The following MTHFD2L variants were observed in gnomAD, a reference collection of about 807,000 sequenced individuals.
The protein encoded by MTHFD2L is bifunctional methylenetetrahydrofolate dehydrogenase/cyclohydrolase 2, mitochondrial.
A neutral mutation model predicts 34.9 loss-of-function variants in MTHFD2L; 29 were observed. That is an observed-to-expected ratio of 0.83 (90% CI 0.62 to 1.13). The LOEUF is 1.13. Ranked by LOEUF, MTHFD2L falls within the 50% of genes most tolerant of loss-of-function variation. The pLI is 0.00. For synonymous variants in MTHFD2L, 167 were observed against 155.7 expected (o/e 1.07, Z -0.54); for missense variants, 481 against 446.5 (o/e 1.08, Z -0.70).
intron 6 of MTHFD2L, among the ~76,000 whole-genome samples, chr4:74,255,742 CAT>C (rs775411972): frequency 6.6e-6 from 1 of 152,110 alleles, no homozygotes; most frequent in South Asian, 2.1e-4. Flanking sequence ...TAAATAAGAA[CAT>C]GTGGTATTTG....
At chr4:74,249,344 C>T (rs925277133) in intron 6 of MTHFD2L, among the ~76,000 whole-genome samples, 2 of 152,160 alleles carry the variant, frequency 1.3e-5, no homozygotes, top group East Asian at 1.9e-4. Flanking sequence ...GAAGATCTTC[C>T]TCCATCCTTT....
At chr4:74,145,755 G>A (rs939280947) in intron 1 of MTHFD2L, among the ~76,000 whole-genome samples, 5 of 152,066 alleles carry the variant, frequency 3.3e-5, no homozygotes, top group Admixed American at 6.6e-5. Flanking sequence ...CTCATGAATG[G>A]ATTAGCACCA....
intron 6 of MTHFD2L, among the ~76,000 whole-genome samples, chr4:74,254,726 A>T (rs1041282990): frequency 2.0e-5 from 3 of 152,190 alleles, no homozygotes; most frequent in Non-Finnish European, 4.4e-5. Flanking sequence ...AGGTAAGAAT[A>T]TAGTCAAGTT....
At chr4:74,162,505 CTTTTT>C (rs3051352) in intron 1 of MTHFD2L, among the ~76,000 whole-genome samples, 2 of 124,266 alleles carry the variant, frequency 1.6e-5, no homozygotes, top group Non-Finnish European at 3.5e-5. Context: ...TCTCTCCCCA[CTTTTT>C]TTTTTTTTTT....
chr4:74,172,060 C>G (rs539832534), intron 1 of MTHFD2L, among the ~76,000 whole-genome samples: 1 of 151,876 alleles, frequency 6.6e-6, no homozygotes, highest in Admixed American at 6.6e-5. Context: ...AAATAGCTGG[C>G]CAAAAAAGAG....
chr4:74,151,603 A>G (rs1251408922), intron 1 of MTHFD2L, among the ~76,000 whole-genome samples: 2 of 152,226 alleles, frequency 1.3e-5, no homozygotes, highest in Non-Finnish European at 2.9e-5. Flanking sequence ...GGTTAAAAGA[A>G]TAACTTCTGA....
At chr4:74,178,586 T>C (rs1485660492) in intron 3 of MTHFD2L, among the ~76,000 whole-genome samples, 1 of 151,694 alleles carries the variant, frequency 6.6e-6, no homozygotes, top group Non-Finnish European at 1.5e-5. Context: ...ACAGAGAGTG[T>C]GAGAAGCATA....
At chr4:74,199,009 C>T (rs936835581) in intron 3 of MTHFD2L, among the ~76,000 whole-genome samples, 4 of 151,472 alleles carry the variant, frequency 2.6e-5, no homozygotes, top group Non-Finnish European at 4.4e-5. Context: ...ATATAATGGC[C>T]GAATAAACTT....
In MTHFD2L at chr4:74,199,859, A is replaced by G; in HGVS notation, c.517A>G (p.Ile173Val). ...APEKDVDGFHIINIGRLCLDQ... is the reference protein window; with the variant it reads ...APEKDVDGFHVINIGRLCLDQ... ...AGAAAAAGATGTAGATGGATTTCATATTATCAATATTGGAAGATTGTGCCT... is the reference window on the plus strand; with the variant it reads ...AGAAAAAGATGTAGATGGATTTCATGTTATCAATATTGGAAGATTGTGCCT... The change falls in exon 4 of 8, where the codon ATT becomes GTT. Residue 173 changes from isoleucine (I) to valine (V), a missense_variant. Transcript: ENST00000325278. The G allele has an allele frequency of 6.2e-7, 1 of 1,613,888 alleles. No homozygotes were observed. Among genetic ancestry groups the G allele is most frequent in the Non-Finnish European group, 8.5e-7 (1 of 1,179,822 alleles).
intron 3 of MTHFD2L, among the ~76,000 whole-genome samples, chr4:74,192,799 T>C (rs896132225): frequency 6.6e-6 from 1 of 152,044 alleles, no homozygotes; most frequent in African/African-American, 2.4e-5. Flanking sequence ...TATTTATCTT[T>C]TAATGATTTA....
At chr4:74,131,673 GCAAAGTCTT>G (rs1485430950) in intron 1 of MTHFD2L, among the ~76,000 whole-genome samples, 6 of 152,126 alleles carry the variant, frequency 3.9e-5, no homozygotes, top group African/African-American at 1.4e-4. Flanking sequence ...ACAGGCATGG[GCAAAGTCTT>G]CATGACTAAA....
At chr4:74,232,565 GCAGCCTGACTA>G (rs1740239897) in intron 6 of MTHFD2L, among the ~76,000 whole-genome samples, 1 of 152,016 alleles carries the variant, frequency 6.6e-6, no homozygotes, top group African/African-American at 2.4e-5. Flanking sequence ...ACCTGAGAGG[GCAGCCTGACTA>G]CTGATATTTT....
chr4:74,161,682 G>A (rs1725500945), intron 1 of MTHFD2L: 1 of 152,180 alleles, frequency 6.6e-6, no homozygotes, highest in Admixed American at 6.5e-5. Context: ...TTTAGATCTT[G>A]TTAGTTAATC....
At chr4:74,237,959 C>T (rs7683181) in intron 6 of MTHFD2L, among the ~76,000 whole-genome samples, 92,925 of 152,094 alleles carry the variant, frequency 0.61, 32,169 homozygotes, top group Non-Finnish European at 0.77. Flanking sequence ...AGTCGTCATT[C>T]CAATGGTGTA....
chr4:74,115,080 A>C (rs1005863922), intron 2 of MTHFD2L, among the ~76,000 whole-genome samples: 2 of 152,196 alleles, frequency 1.3e-5, no homozygotes. Flanking sequence ...ATTTCCCTGA[A>C]ACAAAGAAAT....
At chr4:74,129,502 A>G (rs534733161) in intron 1 of MTHFD2L, among the ~76,000 whole-genome samples, 22 of 151,914 alleles carry the variant, frequency 1.4e-4, no homozygotes, top group Admixed American at 3.9e-4. Flanking sequence ...TAAATGAAAC[A>G]AAGGCATAAA....
upstream of MTHFD2L, among the ~76,000 whole-genome samples, chr4:74,153,939 G>A (rs908109801): frequency 2.0e-5 from 3 of 151,918 alleles, no homozygotes; most frequent in South Asian, 2.1e-4. Context: ...GATCTTCTTC[G>A]TTTTTCTGTA....
chr4:74,296,248 A>G (rs572685648), intron 7 of MTHFD2L, among the ~76,000 whole-genome samples: 3 of 152,164 alleles, frequency 2.0e-5, no homozygotes, highest in African/African-American at 7.2e-5. Flanking sequence ...CCTAGAGACA[A>G]TGAAGATCCA....
At chr4:74,253,317 G>C (rs1441273582) in intron 6 of MTHFD2L, among the ~76,000 whole-genome samples, 6 of 152,174 alleles carry the variant, frequency 3.9e-5, no homozygotes, top group Admixed American at 6.6e-5. Context: ...ACATCTGCAA[G>C]ATTGCAAGAT....
Sources: gnomAD v4.1 joint callset for allele counts (sites outside exome capture counted in the v4.1 genomes callset) on GRCh38, gnomAD v4.1.1 for gene constraint, MANE v1.5 for transcripts, NCBI Gene and HGNC (gene_info 2026-07-23, HGNC 2026-07-21) for gene names.